WIPI2: variants seen among roughly 807,000 people sequenced by gnomAD.
WIPI2 encodes the protein WD repeat domain phosphoinositide-interacting protein 2.
WIPI2 carries 28 observed loss-of-function variants against 52.3 expected under a neutral mutation model. The observed-to-expected ratio is 0.54, with a 90% CI of 0.40 to 0.73. WIPI2 has a LOEUF of 0.73. Ranked by LOEUF, WIPI2 falls within the 30% of genes least tolerant of loss-of-function variation. The probability of loss-of-function intolerance (pLI) is 0.00; values close to 1 mark genes in which losing one functional copy is unlikely to be tolerated. For synonymous variants in WIPI2, 268 were observed against 245.0 expected (o/e 1.09, Z -0.88); for missense variants, 506 against 602.9 (o/e 0.84, Z 1.68).
In WIPI2 at chr7:5,190,298, C is replaced by A. The variant is rs1488537914; in HGVS notation, c.-122C>A. ...GACGGGATGAGGCGGCGGTTGATCC[C>A]AGGGTGGCGAGTGGCGGCGACCGAG... is the stretch of plus-strand genomic sequence containing the variant. On this transcript the variant is annotated 5_prime_UTR_variant, in exon 1 of 13. Transcript: ENST00000288828. 1.8e-6 allele frequency: 1 copy of A among 541,064 alleles called. No individual in the cohort carries two copies. Among genetic ancestry groups the A allele is most frequent in the Non-Finnish European group, 2.7e-6 (1 of 372,202 alleles). 33.5% of individuals were successfully genotyped at this position (541,064 alleles called of 1,614,324 possible).
At position 5,228,995 on chromosome 7, in the gene WIPI2, G is replaced by A. The variant is rs189280113; in HGVS notation, c.1122-613G>A. Reference sequence around the variant, plus strand: ...GGCCTCCCCAAGTGTTGGGGTAACAGGAGTGAGCCGCTGCACCTAGCTTTT... The same window carrying A: ...GGCCTCCCCAAGTGTTGGGGTAACAAGAGTGAGCCGCTGCACCTAGCTTTT... On this transcript the variant is annotated intron_variant, in intron 11 of 12. Coordinates refer to ENST00000288828, the MANE Select transcript of WIPI2 (RefSeq NM_015610.4). Among the ~76,000 whole-genome samples the A allele has an allele frequency of 5.9e-5, 9 of 152,228 alleles. No homozygotes were observed. The East Asian group carries it at 1.7e-3, about 29-fold the overall frequency.
rs142687867 is a variant in WIPI2 at position 5,224,603 on chromosome 7, G to T, written c.741-1220G>T. Among the ~76,000 whole-genome samples, 489 of 152,290 alleles carry T rather than the reference G, an allele frequency of 3.2e-3. 2 individuals are homozygous for T. Among genetic ancestry groups the T allele is most frequent in the African/African-American group, 0.011 (470 of 41,564 alleles). ...TGGGTGGGGAGAAGCCAGTGAGCCA[G>T]GAGGGCTGACTGGTCAGAGATGAAA... On this transcript the variant is annotated intron_variant, in intron 8 of 12. Coordinates refer to ENST00000288828, the MANE Select transcript of WIPI2 (RefSeq NM_015610.4).
chr7:5,199,875 C>T (rs376725033), intron 3 of WIPI2, among the ~76,000 whole-genome samples: 3 of 152,128 alleles, frequency 2.0e-5, no homozygotes, highest in Admixed American at 2.0e-4. Flanking sequence ...GGGCAGGTAC[C>T]GAGGGAGCTC....
intron 2 of WIPI2, among the ~76,000 whole-genome samples, chr7:5,193,603 G>C (rs1781586652): frequency 6.6e-6 from 1 of 152,220 alleles, no homozygotes; most frequent in African/African-American, 2.4e-5. Context: ...GAGTCTCACT[G>C]TTGCACAGTT....
At chr7:5,196,736 G>T (rs1319948457) in intron 2 of WIPI2, among the ~76,000 whole-genome samples, 1 of 152,102 alleles carries the variant, frequency 6.6e-6, no homozygotes, top group Non-Finnish European at 1.5e-5. Context: ...TAGGAAGGAC[G>T]GGCTGTTAAT....
At chr7:5,196,398 A>G (rs1419497075) in intron 2 of WIPI2, among the ~76,000 whole-genome samples, 2 of 152,180 alleles carry the variant, frequency 1.3e-5, no homozygotes, top group Non-Finnish European at 2.9e-5. Flanking sequence ...TACTCATACT[A>G]TGGTATATAT....
chr7:5,223,761 G>A (rs1189033340), intron 8 of WIPI2, among the ~76,000 whole-genome samples: 9 of 151,992 alleles, frequency 5.9e-5, no homozygotes, highest in Admixed American at 3.3e-4. Flanking sequence ...CTGGCCCCTC[G>A]TCCCTCACAC....
intron 3 of WIPI2, among the ~76,000 whole-genome samples, chr7:5,207,938 G>C (rs1029245069): frequency 6.6e-6 from 1 of 151,978 alleles, no homozygotes; most frequent in South Asian, 2.1e-4. Context: ...GCTAATTTTT[G>C]TATTTTTGGT....
At chr7:5,210,527 C>G (rs1014760158) in intron 3 of WIPI2, among the ~76,000 whole-genome samples, 1 of 152,216 alleles carries the variant, frequency 6.6e-6, no homozygotes, top group African/African-American at 2.4e-5. Context: ...GGGCCCACAT[C>G]TCTTTGGCCT....
chr7:5,224,613 C>T (rs4367443), intron 8 of WIPI2, among the ~76,000 whole-genome samples: 143,752 of 152,218 alleles, frequency 0.94, 67,968 homozygotes, highest in African/African-American at 0.98. Context: ...GGAGGGCTGA[C>T]TGGTCAGAGA....
Position 5,190,317 on chromosome 7 carries a change from G to T in WIPI2, c.-103G>T. 6.8e-6 allele frequency: 5 copies of T among 740,282 alleles called. No homozygotes were observed. In the South Asian group the frequency reaches 2.0e-4, roughly 29 times the overall value. 45.9% of individuals were successfully genotyped at this position (740,282 alleles called of 1,614,324 possible). On this transcript the variant is annotated 5_prime_UTR_variant, in exon 1 of 13. Coordinates refer to ENST00000288828, the MANE Select transcript of WIPI2 (RefSeq NM_015610.4). ...TGATCCCAGGGTGGCGAGTGGCGGCGACCGAGGCGGCGAGCGGGGCCCGGC... is the reference window on the plus strand; with the variant it reads ...TGATCCCAGGGTGGCGAGTGGCGGCTACCGAGGCGGCGAGCGGGGCCCGGC...
rs139237467 is a variant in WIPI2 at position 5,200,455 on chromosome 7, G to A, written c.211+797G>A. On this transcript the variant is annotated intron_variant, in intron 3 of 12. Coordinates refer to ENST00000288828, the MANE Select transcript of WIPI2 (RefSeq NM_015610.4). ...GTGTAACATCTCGCAAAGCCCCAGT[G>A]TAATATCATAGCTGGGATATTGACA... is the stretch of plus-strand genomic sequence containing the variant. 2.6e-5 allele frequency among the ~76,000 whole-genome samples: 4 copies of A among 152,228 alleles called. No individual in the cohort carries two copies. The East Asian group carries it at 7.7e-4, about 29-fold the overall frequency.
rs1781634058 is a variant in WIPI2 at position 5,194,286 on chromosome 7, C to T, written c.128+1115C>T. Among the ~76,000 whole-genome samples, 5 of 152,180 alleles carry T rather than the reference C, an allele frequency of 3.3e-5. No homozygotes were observed. The South Asian group carries it at 1.0e-3, about 32-fold the overall frequency. On this transcript the variant is annotated intron_variant, in intron 2 of 12. Transcript: ENST00000288828. ...CCAGGGCCTCCCAGGTCTGGGCTGG[C>T]AGCCACAGTTGAGGTTGCTTTTGGT...
Position 5,227,275 on chromosome 7 carries a change from A to T in WIPI2, c.944A>T (p.Asn315Ile). Residue 315 changes from asparagine (N) to isoleucine (I), a missense_variant, in exon 10 of 13, where the codon AAC (asparagine) becomes ATC (isoleucine). Asn to Ile is a moderately radical substitution (Grantham distance 149, BLOSUM62 -3). Around this residue, in one of 4 missense-constraint regions of WIPI2, gnomAD observed 237 missense variants for 346.9 expected, o/e 0.68. Transcript: ENST00000288828. The surrounding 1 kb of genome is among the most constrained non-coding windows in gnomAD (Gnocchi z 8.1). ...YLPSQVTEMF[N>I]QGRAFATVRL... Reference sequence around the variant, plus strand: ...CCTTCCCAAGTGACAGAAATGTTCAACCAGGGCAGAGCCTTCGCCACGGTC... The same window carrying T: ...CCTTCCCAAGTGACAGAAATGTTCATCCAGGGCAGAGCCTTCGCCACGGTC... 6.2e-7 allele frequency: 1 copy of T among 1,613,722 alleles called. No individual in the cohort carries two copies. The highest frequency in any genetic ancestry group is 8.5e-7 in the Non-Finnish European group (1 of 1,180,034).
intron 3 of WIPI2, among the ~76,000 whole-genome samples, chr7:5,211,554 C>A (rs369016189): frequency 4.6e-5 from 7 of 152,232 alleles, no homozygotes; most frequent in African/African-American, 1.7e-4. Flanking sequence ...ACAAAGAAAC[C>A]TTACCTAGCA....
At chr7:5,194,047 G>A (rs1323664939) in intron 2 of WIPI2, among the ~76,000 whole-genome samples, 3 of 152,222 alleles carry the variant, frequency 2.0e-5, no homozygotes, top group East Asian at 1.9e-4. Context: ...CCCACAGGAC[G>A]TGCATCATGC....
chr7:5,190,848 G>T, intron 1 of WIPI2: 1 of 196,206 alleles, frequency 5.1e-6, no homozygotes, highest in Middle Eastern at 1.9e-3. Flanking sequence ...CGCTGGGTGT[G>T]GGTCGCTTCC....
intron 3 of WIPI2, among the ~76,000 whole-genome samples, chr7:5,202,431 T>C (rs1026592913): frequency 1.3e-5 from 2 of 152,210 alleles, no homozygotes; most frequent in African/African-American, 4.8e-5. Flanking sequence ...TCACCCAGGC[T>C]GGAGTACAGT....
At chr7:5,202,418 C>T (rs1782071561) in intron 3 of WIPI2, among the ~76,000 whole-genome samples, 1 of 152,186 alleles carries the variant, frequency 6.6e-6, no homozygotes, top group Non-Finnish European at 1.5e-5. Flanking sequence ...GAGTCTCGCT[C>T]TGTCACCCAG....
Sources: allele counts gnomAD v4.1 joint callset (sites outside exome capture counted in the v4.1 genomes callset), GRCh38; gene constraint gnomAD v4.1.1; regional missense constraint gnomAD v4.1.1; non-coding constraint Gnocchi (gnomAD v3.1); transcripts MANE v1.5; gene names NCBI Gene and HGNC (gene_info 2026-07-23, HGNC 2026-07-21).